The following FAM110B variants were observed in gnomAD, a reference collection of about 807,000 sequenced individuals.
FAM110B encodes family with sequence similarity 110 member B.
Under a neutral mutation model 20.4 loss-of-function variants are expected in FAM110B, and 6 were observed. The ratio of observed to expected loss-of-function variants is 0.29; its 90% CI spans 0.16 to 0.58. The LOEUF (loss-of-function observed/expected upper bound fraction) is 0.58, where lower values mean the gene tolerates loss of function less well. FAM110B is among the 20% of genes least tolerant of loss of function. FAM110B has a pLI of 0.90. For synonymous variants in FAM110B, 226 were observed against 214.1 expected, an observed-to-expected ratio of 1.06 and a Z score of -0.49; for missense variants, 434 against 498.2, an observed-to-expected ratio of 0.87 and a Z score of 1.23.
chr8:58,016,542 A>G (rs1380312167), intron 1 of FAM110B, among the ~76,000 whole-genome samples: 2 of 152,204 alleles, frequency 1.3e-5, no homozygotes, highest in African/African-American at 4.8e-5. Flanking sequence ...GCTTAAGCCT[A>G]TCCTGGCGCT....
chr8:58,037,911 G>A (rs1056242398), intron 2 of FAM110B, among the ~76,000 whole-genome samples: 4 of 151,974 alleles, frequency 2.6e-5, no homozygotes, highest in East Asian at 3.9e-4. Context: ...TACAGTTAAC[G>A]CTTCATCTCT....
chr8:58,058,271 T>A (rs899833939), intron 2 of FAM110B, among the ~76,000 whole-genome samples: 1 of 151,736 alleles, frequency 6.6e-6, no homozygotes, highest in African/African-American at 2.4e-5. Flanking sequence ...AGATTATTTT[T>A]AAAGACTTCT....
chr8:58,002,637 A>G (rs1804321381), intron 1 of FAM110B, among the ~76,000 whole-genome samples: 1 of 152,230 alleles, frequency 6.6e-6, no homozygotes, highest in East Asian at 1.9e-4. Flanking sequence ...GAGTATTACA[A>G]TAAAGTGAGT....
intron 1 of FAM110B, among the ~76,000 whole-genome samples, chr8:58,022,511 A>G (rs574954774): frequency 1.0e-3 from 157 of 152,310 alleles, no homozygotes; most frequent in African/African-American, 3.6e-3. Context: ...AAAAATGGTT[A>G]AGATGGTCAA....
Position 58,146,908 on chromosome 8 carries a change from C to A in FAM110B, c.678C>A (p.Pro226=). Residue 226 remains proline, a synonymous_variant, in exon 4 of 4, where the codon CCC becomes CCA. Coordinates refer to ENST00000519262, the MANE Select transcript of FAM110B (RefSeq NM_001377989.1). ...PCSSSAPPLP[P]KPKIAAIASM... is the part of the protein sequence containing the mutation. The stretch of plus-strand genomic sequence containing the variant: ...GTAGCTCTGCCCCTCCCCTGCCTCC[C>A]AAGCCCAAAATCGCAGCCATCGCCT... The A allele has an allele frequency of 6.2e-7, 1 of 1,614,210 alleles. No homozygotes were observed. The highest frequency in any genetic ancestry group is 1.1e-5 in the South Asian group (1 of 91,080).
chr8:58,121,613 A>G (rs1487666598), intron 3 of FAM110B, among the ~76,000 whole-genome samples: 2 of 152,222 alleles, frequency 1.3e-5, no homozygotes, highest in Admixed American at 6.5e-5. Flanking sequence ...TAATATAGCT[A>G]CACATTCTGC....
intron 3 of FAM110B, among the ~76,000 whole-genome samples, chr8:58,121,101 G>GCA (rs1296918856): frequency 6.6e-6 from 1 of 152,190 alleles, no homozygotes; most frequent in East Asian, 1.9e-4. Flanking sequence ...TTAGTCAGTG[G>GCA]CAAGTTCATG....
At chr8:58,124,642 A>G (rs1807447101) in intron 3 of FAM110B, among the ~76,000 whole-genome samples, 2 of 152,222 alleles carry the variant, frequency 1.3e-5, no homozygotes, top group Non-Finnish European at 2.9e-5. Flanking sequence ...AGGATGAGAA[A>G]GCCACCCTGT....
At chr8:58,107,502 G>GGGAT (rs1242456840) in intron 3 of FAM110B, among the ~76,000 whole-genome samples, 2 of 152,134 alleles carry the variant, frequency 1.3e-5, no homozygotes, top group African/African-American at 4.8e-5. Flanking sequence ...AACAAGCTGT[G>GGGAT]GGATTTATTG....
chr8:58,001,587 T>G (rs1171195683), intron 1 of FAM110B, among the ~76,000 whole-genome samples: 1 of 152,228 alleles, frequency 6.6e-6, no homozygotes, highest in Non-Finnish European at 1.5e-5. Context: ...TGTTCATCCC[T>G]GGTTGTTATC....
intron 2 of FAM110B, among the ~76,000 whole-genome samples, chr8:58,046,667 A>G (rs1166087108): frequency 6.6e-6 from 1 of 152,238 alleles, no homozygotes; most frequent in East Asian, 1.9e-4. Flanking sequence ...AAGAAAATCA[A>G]TGTATCCCTC....
Position 58,060,446 on chromosome 8 carries a change from T to A in FAM110B, c.-413-15089T>A, listed in dbSNP as rs529995937. The stretch of plus-strand genomic sequence containing the variant: ...CACAGACTACAGAGTGGCCCAAAAC[T>A]AATAAATCAGAAAGGAAAATAGATG... On this transcript the variant is annotated intron_variant, in intron 2 of 3. Transcript: ENST00000519262. 3.3e-5 allele frequency among the ~76,000 whole-genome samples: 5 copies of A among 152,256 alleles called. No homozygotes were observed. In the East Asian group the frequency reaches 9.6e-4, roughly 29 times the overall value.
chr8:58,011,668 C>G (rs779787903), intron 1 of FAM110B, among the ~76,000 whole-genome samples: 1 of 152,182 alleles, frequency 6.6e-6, no homozygotes, highest in Non-Finnish European at 1.5e-5. Context: ...AGAAAGAGAA[C>G]CTTTGACACA....
chr8:58,029,595 T>C (rs1011012564), intron 1 of FAM110B, among the ~76,000 whole-genome samples: 1 of 152,186 alleles, frequency 6.6e-6, no homozygotes, highest in Non-Finnish European at 1.5e-5. Flanking sequence ...AGAGGTTATT[T>C]AGGAAATTAA....
chr8:58,100,242 T>G (rs1806744595), intron 3 of FAM110B, among the ~76,000 whole-genome samples: 1 of 142,174 alleles, frequency 7.0e-6, no homozygotes, highest in South Asian at 2.2e-4. Context: ...TGGTGCTTCC[T>G]TTAGATTTTG....
chr8:58,051,477 A>G (rs984208931), intron 2 of FAM110B, among the ~76,000 whole-genome samples: 1 of 152,206 alleles, frequency 6.6e-6, no homozygotes, highest in Admixed American at 6.5e-5. Context: ...AGTGCTGGGA[A>G]AATGAAAAAG....
chr8:58,005,046 C>T (rs189276655), intron 1 of FAM110B, among the ~76,000 whole-genome samples: 93 of 152,272 alleles, frequency 6.1e-4, no homozygotes, highest in Non-Finnish European at 9.8e-4. Context: ...GCTAAAGAGG[C>T]CTAGTTTTGA....
At chr8:58,057,043 T>C (rs776900158) in intron 2 of FAM110B, among the ~76,000 whole-genome samples, 1 of 152,176 alleles carries the variant, frequency 6.6e-6, no homozygotes, top group Non-Finnish European at 1.5e-5. Flanking sequence ...GAGGGCAACA[T>C]AGGAATGGCA....
chr8:58,009,785 G>C (rs1404282800), intron 1 of FAM110B, among the ~76,000 whole-genome samples: 1 of 152,182 alleles, frequency 6.6e-6, no homozygotes, highest in African/African-American at 2.4e-5. Flanking sequence ...TTGTGTACTT[G>C]TAGGAAAGAA....
Sources: gnomAD v4.1 joint callset for allele counts (sites outside exome capture counted in the v4.1 genomes callset) on GRCh38, gnomAD v4.1.1 for gene constraint, MANE v1.5 for transcripts, NCBI Gene and HGNC (gene_info 2026-07-23, HGNC 2026-07-21) for gene names.